Variants in ASAH2B observed in about 807,000 individuals in gnomAD.
The protein encoded by ASAH2B is N-acylsphingosine amidohydrolase 2B.
ASAH2B carries 1 observed loss-of-function variant against 2.9 expected under a neutral mutation model. The observed-to-expected ratio is 0.34, with a 90% confidence interval of 0.12 to 1.63. The LOEUF (loss-of-function observed/expected upper bound fraction) is 1.63. ASAH2B is among the 40% of genes most tolerant of loss of function. ASAH2B has a pLI of 0.36. For synonymous variants in ASAH2B, 4 were observed against 13.3 expected (o/e 0.30, Z 1.52); for missense variants, 9 against 37.7 (o/e 0.24, Z 1.99).
chr10:50,746,088 T>C (rs1363353677), intron 3 of ASAH2B, among the ~76,000 whole-genome samples: 1 of 151,472 alleles, frequency 6.6e-6, no homozygotes, highest in Non-Finnish European at 1.5e-5. Flanking sequence ...CTTGAACTTA[T>C]TCCCTTTGTC....
intron 1 of ASAH2B, among the ~76,000 whole-genome samples, chr10:50,740,403 T>A (rs777628820): frequency 1.2e-4 from 19 of 152,164 alleles, no homozygotes; most frequent in Non-Finnish European, 1.9e-4. Flanking sequence ...GCGTTCCTAG[T>A]GCCCAGCTCT....
intron 3 of ASAH2B, among the ~76,000 whole-genome samples, chr10:50,746,864 A>G (rs1255852963): frequency 6.6e-6 from 1 of 151,292 alleles, no homozygotes; most frequent in African/African-American, 2.4e-5. Context: ...TTTTCTTGCT[A>G]TAGAGTTGTT....
chr10:50,748,630 G>T (rs537784613), intron 3 of ASAH2B, among the ~76,000 whole-genome samples: 6 of 151,342 alleles, frequency 4.0e-5, no homozygotes, highest in Non-Finnish European at 8.8e-5. Context: ...CCAGATTTCT[G>T]TCTCTGTGCA....
rs1477704036 is a variant in ASAH2B, at chr10:50,756,815, T to TA, written c.*2079dup. ...TCAATATCAGTTCTTTACCTGTGCA[T>TA]AAAAGAATATCATGAAGTAATTGAA... On this transcript the variant is annotated 3_prime_UTR_variant, in exon 6 of 6. Transcript: ENST00000647317. 1.3e-5 allele frequency: 2 copies of TA among 151,768 alleles called. No individual in the cohort carries two copies. Among genetic ancestry groups the TA allele is most frequent in the East Asian group, 3.9e-4 (2 of 5,156 alleles). The allele number at this position is 151,768 out of a possible 1,614,324, so 9.4% of individuals were successfully genotyped here.
chr10:50,757,405 T>C lies in ASAH2B; in HGVS notation c.*2665T>C, dbSNP rs1167988804. ...GCACATGTATGGTTGGCATTTCTTT[T>C]ATTTTCTTTCTCTTTTTTACTAGTT... On this transcript the variant is annotated 3_prime_UTR_variant, in exon 6 of 6. Transcript: ENST00000647317. 6.6e-6 allele frequency: 1 copy of C among 151,784 alleles called. No homozygotes were observed. Among genetic ancestry groups the C allele is most frequent in the African/African-American group, 2.4e-5 (1 of 41,388 alleles). 9.4% of individuals were successfully genotyped at this position (151,784 alleles called of 1,614,324 possible).
At chr10:50,743,395 G>A (rs1295476717) in intron 2 of ASAH2B, among the ~76,000 whole-genome samples, 1 of 150,642 alleles carries the variant, frequency 6.6e-6, no homozygotes, top group Non-Finnish European at 1.5e-5. Flanking sequence ...ATCCTTGCCA[G>A]ATTCTCCCCA....
chr10:50,742,893 A>G (rs1839851442), intron 1 of ASAH2B, 22 bp from the exon 2 acceptor site: 2 of 1,613,030 alleles, frequency 1.2e-6, no homozygotes, highest in African/African-American at 1.3e-5. Flanking sequence ...ACCATATACA[A>G]CTCTCCCTGC....
chr10:50,743,039 C>T (rs767910726), intron 2 of ASAH2B, 29 bp downstream of exon 2: 60 of 1,597,366 alleles, frequency 3.8e-5, no homozygotes, highest in Non-Finnish European at 4.4e-5. Flanking sequence ...TGCGTGCGTG[C>T]GTGCGTGTGT....
chr10:50,747,680 C>G (rs1839928046), intron 3 of ASAH2B, among the ~76,000 whole-genome samples: 1 of 151,152 alleles, frequency 6.6e-6, no homozygotes, highest in Non-Finnish European at 1.5e-5. Context: ...GTGGTTTTGT[C>G]TTTTGTTATT....
intron 2 of ASAH2B, chr10:50,744,640 GGAT>G (rs1210858076): frequency 6.6e-6 from 1 of 150,850 alleles, no homozygotes; most frequent in Non-Finnish European, 1.5e-5. Context: ...TCAGGATGTG[GGAT>G]GATCTTAAAT....
chr10:50,740,331 G>C (rs556407102), intron 1 of ASAH2B, among the ~76,000 whole-genome samples: 79 of 152,138 alleles, frequency 5.2e-4, no homozygotes, highest in African/African-American at 1.9e-3. Flanking sequence ...TACAGCTTCG[G>C]AACTAAAATA....
intron 3 of ASAH2B, among the ~76,000 whole-genome samples, chr10:50,745,671 A>G (rs73322845): frequency 0.031 from 4,683 of 149,384 alleles, 381 homozygotes; most frequent in African/African-American, 0.11. Flanking sequence ...TGGGGGGAGG[A>G]GGGATGAGAA....
intron 3 of ASAH2B, among the ~76,000 whole-genome samples, chr10:50,747,991 C>A (rs1213970475): frequency 1.0e-3 from 151 of 149,722 alleles, no homozygotes; most frequent in African/African-American, 3.6e-3. Flanking sequence ...TTGGATTGAC[C>A]AGCAAGGCCA....
chr10:50,741,692 G>C (rs1051709194), intron 1 of ASAH2B, among the ~76,000 whole-genome samples: 2 of 152,096 alleles, frequency 1.3e-5, no homozygotes, highest in African/African-American at 4.8e-5. Flanking sequence ...GTATGCGGAG[G>C]GTGATGGTAA....
At chr10:50,742,150 G>A (rs770307707) in intron 1 of ASAH2B, among the ~76,000 whole-genome samples, 1 of 152,176 alleles carries the variant, frequency 6.6e-6, no homozygotes, top group African/African-American at 2.4e-5. Flanking sequence ...AGATCTGGGT[G>A]AGAAATGAGG....
rs1458597712 is a variant in ASAH2B at position 50,757,448 on chromosome 10, A to G, written c.*2708A>G. 1 of 151,158 alleles carries G rather than the reference A, an allele frequency of 6.6e-6. No homozygotes were observed. Among genetic ancestry groups the G allele is most frequent in the East Asian group, 2.0e-4 (1 of 5,096 alleles). The allele number at this position is 151,158 out of a possible 1,614,324, so 9.4% of individuals were successfully genotyped here. Reference sequence around the variant, plus strand: ...TACTAGTTGGGCAAAAAAATTTCCTAGGCAGGTAGCTAACTATGAAATTGT... The same window carrying G: ...TACTAGTTGGGCAAAAAAATTTCCTGGGCAGGTAGCTAACTATGAAATTGT... On this transcript the variant is annotated 3_prime_UTR_variant, in exon 6 of 6. Transcript: ENST00000647317.
intron 1 of ASAH2B, 64 bp from the exon 2 acceptor site, chr10:50,742,851 T>A (rs1839850710): frequency 1.3e-6 from 2 of 1,550,498 alleles, no homozygotes; most frequent in South Asian, 1.1e-5. Flanking sequence ...CCTAAAATGC[T>A]ACACCTCTGT....
chr10:50,740,054 G>C (rs564632244), intron 1 of ASAH2B, 71 bp downstream of exon 1: 3 of 157,128 alleles, frequency 1.9e-5, no homozygotes, highest in Admixed American at 6.5e-5. Flanking sequence ...ATCGCGAGTC[G>C]TGCGCGTGGG....
At position 50,757,236 on chromosome 10, in the gene ASAH2B, AAAAG is replaced by A. The variant is rs1230033194; in HGVS notation, c.*2498_*2501del. Reference sequence around the variant, plus strand: ...GTAGACAAACGAACACTTTTTTAAAAAAAGAGGTGGAACAAAAGGTGGTAGATTA... The same window carrying A: ...GTAGACAAACGAACACTTTTTTAAAAAGGTGGAACAAAAGGTGGTAGATTA... On this transcript the variant is annotated 3_prime_UTR_variant, in exon 6 of 6. Transcript: ENST00000647317. 6.6e-6 allele frequency: 1 copy of A among 151,478 alleles called. No individual in the cohort carries two copies. The highest frequency in any genetic ancestry group is 1.5e-5 in the Non-Finnish European group (1 of 67,660). The allele number at this position is 151,478 out of a possible 1,614,324, so 9.4% of individuals were successfully genotyped here. A position where few individuals can be genotyped will look rare whatever the true frequency, so the allele number is the denominator to read the frequency against.
Sources: gnomAD v4.1 joint callset for allele counts (sites outside exome capture counted in the v4.1 genomes callset) on GRCh38, gnomAD v4.1.1 for gene constraint, MANE v1.5 for transcripts, NCBI Gene and HGNC (gene_info 2026-07-23, HGNC 2026-07-21) for gene names.